ITGBL1: variants seen among roughly 807,000 people sequenced by gnomAD.
The protein encoded by ITGBL1 is integrin beta-like protein 1.
Under a neutral mutation model 68.5 loss-of-function variants are expected in ITGBL1, and 51 were observed. The observed-to-expected ratio is 0.74, with a 90% CI of 0.59 to 0.94. ITGBL1 has a LOEUF of 0.94. Ranked by LOEUF, ITGBL1 falls within the 40% of genes least tolerant of loss-of-function variation. The probability of loss-of-function intolerance (pLI) is 0.00; values close to 1 mark genes in which losing one functional copy is unlikely to be tolerated. For missense variants in ITGBL1, 649 were observed against 647.4 expected (o/e 1.00, Z -0.03); for synonymous variants, 209 against 227.3 (o/e 0.92, Z 0.72).
At chr13:101,719,689 A>G (rs1157996419), downstream of ITGBL1, 4 of 152,070 alleles carry the variant, frequency 2.6e-5, no homozygotes, top group Non-Finnish European at 5.9e-5. Context: ...ACCCTCCCAC[A>G]CCAGATATGC....
intron 2 of ITGBL1, among the ~76,000 whole-genome samples, chr13:101,491,530 A>T (rs535911014): frequency 6.6e-6 from 1 of 152,072 alleles, no homozygotes; most frequent in Non-Finnish European, 1.5e-5. Context: ...ACACATTGTC[A>T]TTTTCTTATG....
chr13:101,604,772 G>A (rs1464242628), intron 7 of ITGBL1, among the ~76,000 whole-genome samples: 1 of 141,650 alleles, frequency 7.1e-6, no homozygotes, highest in Non-Finnish European at 1.5e-5. Flanking sequence ...CCTGACAGCC[G>A]CCATCACCTC....
chr13:101,463,548 A>AT (rs909262695), intron 2 of ITGBL1, among the ~76,000 whole-genome samples: 12 of 152,242 alleles, frequency 7.9e-5, no homozygotes, highest in African/African-American at 2.9e-4. Flanking sequence ...TAGTCCTTGA[A>AT]TTTGGAATTT....
intron 5 of ITGBL1, among the ~76,000 whole-genome samples, chr13:101,580,193 A>G (rs1425749159): frequency 6.6e-6 from 1 of 152,164 alleles, no homozygotes; most frequent in African/African-American, 2.4e-5. Flanking sequence ...AACTAAAAAA[A>G]TCTAGATAGC....
downstream of ITGBL1, chr13:101,717,201 TGA>T (rs1341456899): frequency 1.3e-5 from 2 of 152,142 alleles, no homozygotes; most frequent in South Asian, 4.1e-4. Flanking sequence ...ATGCATCCAC[TGA>T]GTTACTTAAA....
At chr13:101,488,927 C>T (rs780102735) in intron 2 of ITGBL1, among the ~76,000 whole-genome samples, 1 of 152,102 alleles carries the variant, frequency 6.6e-6, no homozygotes, top group Non-Finnish European at 1.5e-5. Flanking sequence ...TGCCTGCAGC[C>T]GCTGAAGTGG....
At chr13:101,484,051 A>G (rs1234996522) in intron 2 of ITGBL1, among the ~76,000 whole-genome samples, 1 of 151,680 alleles carries the variant, frequency 6.6e-6, no homozygotes, top group Admixed American at 6.6e-5. Context: ...TGTAGACGGC[A>G]TATTTGGTTT....
downstream of ITGBL1, chr13:101,717,974 ATT>A (rs1285544710): frequency 6.6e-6 from 1 of 152,160 alleles, no homozygotes; most frequent in Admixed American, 6.5e-5. Flanking sequence ...TGTCCTCGGC[ATT>A]TGTTTTCTCA....
At chr13:101,672,564 G>C (rs2033404231) in intron 7 of ITGBL1, among the ~76,000 whole-genome samples, 1 of 152,158 alleles carries the variant, frequency 6.6e-6, no homozygotes, top group African/African-American at 2.4e-5. Flanking sequence ...AATAAGATTA[G>C]GGTGGGGCGA....
intron 2 of ITGBL1, among the ~76,000 whole-genome samples, chr13:101,486,516 G>A (rs2048705213): frequency 6.6e-6 from 1 of 151,832 alleles, no homozygotes; most frequent in African/African-American, 2.4e-5. Flanking sequence ...GAATATGGGG[G>A]AAATAAGACC....
intron 2 of ITGBL1, among the ~76,000 whole-genome samples, chr13:101,503,012 G>A (rs756575968): frequency 1.8e-4 from 28 of 152,084 alleles, no homozygotes; most frequent in Non-Finnish European, 3.4e-4. Flanking sequence ...TATTTTATGT[G>A]TACCCAATAA....
intron 4 of ITGBL1, among the ~76,000 whole-genome samples, chr13:101,576,012 T>C (rs895809905): frequency 2.6e-5 from 4 of 152,198 alleles, no homozygotes; most frequent in Non-Finnish European, 5.9e-5. Context: ...TAAATAACAT[T>C]TTCAATGACC....
rs954163300 is a variant in ITGBL1 at position 101,641,034 on chromosome 13, C to A, written c.1015+42735C>A. 2.6e-5 allele frequency among the ~76,000 whole-genome samples: 4 copies of A among 152,150 alleles called. 1 individual carries two copies. In the East Asian group the frequency reaches 7.7e-4, roughly 29 times the overall value. On this transcript the variant is annotated intron_variant, in intron 7 of 10. Coordinates refer to ENST00000376180, the MANE Select transcript of ITGBL1 (RefSeq NM_004791.3). ...AGGTTTTGAAATCTGCACTGCAGAA[C>A]TTCATGGGTCTTTTTTTATGCCTAT...
At chr13:101,531,641 A>G (rs2049479346) in intron 2 of ITGBL1, among the ~76,000 whole-genome samples, 1 of 150,796 alleles carries the variant, frequency 6.6e-6, no homozygotes, top group African/African-American at 2.4e-5. Flanking sequence ...TTTCTTAAGT[A>G]GTTTAGGTAT....
At chr13:101,537,461 A>C (rs543494925) in intron 2 of ITGBL1, among the ~76,000 whole-genome samples, 1 of 152,072 alleles carries the variant, frequency 6.6e-6, no homozygotes. Flanking sequence ...GTCTGATGAT[A>C]TGTGGCAATT....
intron 7 of ITGBL1, among the ~76,000 whole-genome samples, chr13:101,671,142 A>G (rs149678351): frequency 4.6e-5 from 7 of 152,268 alleles, no homozygotes; most frequent in African/African-American, 1.7e-4. Flanking sequence ...GACTCCAGTA[A>G]TTACTCTTGC....
intron 2 of ITGBL1, among the ~76,000 whole-genome samples, chr13:101,532,924 A>G (rs2049508624): frequency 6.6e-6 from 1 of 152,206 alleles, no homozygotes; most frequent in South Asian, 2.1e-4. Context: ...CTACTGTTGG[A>G]AACACAATTA....
chr13:101,695,847 T>A lies in ITGBL1; in HGVS notation c.1132+3146T>A, dbSNP rs1306483506. ...CATTGCTCATGGTCATAATGATTTA[T>A]GATTGATAAGTTTCAACTACATTGG... On this transcript the variant is annotated intron_variant, in intron 8 of 10. Transcript: ENST00000376180. 2.6e-5 allele frequency among the ~76,000 whole-genome samples: 4 copies of A among 152,296 alleles called. No homozygotes were observed. The South Asian group carries it at 8.3e-4, about 32-fold the overall frequency.
At chr13:101,470,331 A>T (rs2048440073) in intron 2 of ITGBL1, among the ~76,000 whole-genome samples, 1 of 151,542 alleles carries the variant, frequency 6.6e-6, no homozygotes, top group African/African-American at 2.4e-5. Context: ...TTTTTAATTA[A>T]TTTATTTTTT....
Sources: allele counts gnomAD v4.1 joint callset (sites outside exome capture counted in the v4.1 genomes callset), GRCh38; gene constraint gnomAD v4.1.1; transcripts MANE v1.5; gene names NCBI Gene and HGNC (gene_info 2026-07-23, HGNC 2026-07-21).